Variants in PCDH7 observed in about 807,000 individuals in gnomAD.
The protein encoded by PCDH7 is protocadherin-7.
PCDH7 carries 17 observed loss-of-function variants against 58.9 expected under a neutral mutation model. The ratio of observed to expected loss-of-function variants is 0.29; its 90% confidence interval spans 0.20 to 0.43. PCDH7 has a LOEUF of 0.43. Ranked by LOEUF, PCDH7 falls within the 20% of genes least tolerant of loss-of-function variation. PCDH7 has a pLI of 1.00. For missense variants in PCDH7, 1,274 were observed against 1,441.0 expected, an observed-to-expected ratio of 0.88 and a Z score of 1.88; for synonymous variants, 664 against 616.4, an observed-to-expected ratio of 1.08 and a Z score of -1.14.
intron 3 of PCDH7, among the ~76,000 whole-genome samples, chr4:31,133,543 A>G (rs1388416020): frequency 6.6e-6 from 1 of 152,150 alleles, no homozygotes; most frequent in Non-Finnish European, 1.5e-5. Flanking sequence ...CTCTTTATCT[A>G]TATCAGTGAA....
intron 2 of PCDH7, among the ~76,000 whole-genome samples, chr4:30,937,168 A>G (rs924300960): frequency 2.6e-5 from 4 of 152,108 alleles, no homozygotes; most frequent in African/African-American, 9.7e-5. Flanking sequence ...GCAGTAAAAT[A>G]TATTAAATAA....
At chr4:31,009,195 A>G (rs1171392514) in intron 3 of PCDH7, among the ~76,000 whole-genome samples, 1 of 152,114 alleles carries the variant, frequency 6.6e-6, no homozygotes, top group Non-Finnish European at 1.5e-5. Flanking sequence ...GTAAAATGGC[A>G]GATCAGCTTT....
Position 30,723,980 on chromosome 4 carries a change from T to G in PCDH7, c.2558T>G (p.Ile853Arg). 1 of 1,614,146 alleles carries G rather than the reference T, an allele frequency of 6.2e-7. No homozygotes were observed. Among genetic ancestry groups the G allele is most frequent in the Non-Finnish European group, 8.5e-7 (1 of 1,180,018 alleles). ...AATGCAACTGCGATTGACTCCCAGA[T>G]AGCTAGAAGTTTGCACATCCCACTC... Residue 853 changes from isoleucine (I) to arginine (R), a missense_variant, in exon 1 of 2, where the codon ATA becomes AGA. Transcript: ENST00000361762. The surrounding 1 kb of genome is among the most constrained non-coding windows in gnomAD (Gnocchi z 4.6).
rs577617613 is a variant in PCDH7 at position 31,117,422 on chromosome 4, T to C, written c.*8-25051T>C. On this transcript the variant is annotated intron_variant, in intron 3 of 3. Coordinates refer to the PCDH7 transcript ENST00000509759. ...GAGTAACACGTTCAAGACTCCCATA[T>C]ATATTTGAAGCATTTGACAGAATAA... Among the ~76,000 whole-genome samples the C allele has an allele frequency of 8.1e-4, 124 of 152,262 alleles. 1 individual carries two copies. The highest frequency in any genetic ancestry group is 2.8e-3 in the African/African-American group (116 of 41,558).
chr4:30,891,502 A>G (rs1279572987), intron 1 of PCDH7, among the ~76,000 whole-genome samples: 1 of 152,062 alleles, frequency 6.6e-6, no homozygotes, highest in Admixed American at 6.6e-5. Flanking sequence ...ACATTAGATC[A>G]AGTGAATAGT....
At chr4:30,823,573 T>C (rs1390514325) in intron 1 of PCDH7, among the ~76,000 whole-genome samples, 4 of 152,062 alleles carry the variant, frequency 2.6e-5, no homozygotes, top group Admixed American at 2.6e-4. Flanking sequence ...AATTCAAATA[T>C]GATGCTACCT....
intron 1 of PCDH7, among the ~76,000 whole-genome samples, chr4:30,904,501 T>A (rs1362884018): frequency 6.6e-6 from 1 of 152,170 alleles, no homozygotes; most frequent in Admixed American, 6.6e-5. Flanking sequence ...CATTTTAAAG[T>A]CAGTTGATTA....
At chr4:30,833,633 TGGGAG>T (rs1730090713) in intron 1 of PCDH7, among the ~76,000 whole-genome samples, 2 of 152,164 alleles carry the variant, frequency 1.3e-5, no homozygotes, top group Admixed American at 1.3e-4. Context: ...TGGGCATCTT[TGGGAG>T]GAGAGTCTTT....
At chr4:30,826,151 A>C (rs1202270053) in intron 1 of PCDH7, among the ~76,000 whole-genome samples, 1 of 152,128 alleles carries the variant, frequency 6.6e-6, no homozygotes. Context: ...ATTCCATTCG[A>C]TAACCTCATT....
At chr4:30,938,302 G>A (rs1474822772) in intron 2 of PCDH7, among the ~76,000 whole-genome samples, 1 of 151,964 alleles carries the variant, frequency 6.6e-6, no homozygotes, top group African/African-American at 2.4e-5. Context: ...TTATTGATTG[G>A]ACTTTATGAA....
At chr4:30,993,139 C>A (rs1293418952) in intron 3 of PCDH7, among the ~76,000 whole-genome samples, 2 of 152,094 alleles carry the variant, frequency 1.3e-5, no homozygotes, top group Non-Finnish European at 2.9e-5. Flanking sequence ...AGAGAGCAAA[C>A]TGCCACTCAG....
chr4:31,011,032 C>A (rs1459101166), intron 3 of PCDH7, among the ~76,000 whole-genome samples: 1 of 151,866 alleles, frequency 6.6e-6, no homozygotes, highest in East Asian at 1.9e-4. Context: ...CTTGGACCTG[C>A]ATGAAAAATC....
At chr4:30,813,601 T>G (rs1727277459) in intron 1 of PCDH7, among the ~76,000 whole-genome samples, 1 of 152,180 alleles carries the variant, frequency 6.6e-6, no homozygotes, top group Non-Finnish European at 1.5e-5. Flanking sequence ...CAGTGAAGGT[T>G]GCTTCAAGTC....
intron 3 of PCDH7, among the ~76,000 whole-genome samples, chr4:31,052,427 G>A (rs1325702544): frequency 6.6e-6 from 1 of 152,040 alleles, no homozygotes; most frequent in Non-Finnish European, 1.5e-5. Flanking sequence ...TTCAGTTGGG[G>A]CATTTTTAAA....
At chr4:31,047,878 T>C (rs1365681966) in intron 3 of PCDH7, among the ~76,000 whole-genome samples, 1 of 152,060 alleles carries the variant, frequency 6.6e-6, no homozygotes, top group African/African-American at 2.4e-5. Context: ...TCCCACTTGA[T>C]AGGAGGTCTG....
intron 1 of PCDH7, among the ~76,000 whole-genome samples, chr4:30,789,103 G>A (rs1368542530): frequency 6.6e-6 from 1 of 152,060 alleles, no homozygotes; most frequent in Non-Finnish European, 1.5e-5. Flanking sequence ...TATGTACTGA[G>A]GTATAAGTTA....
intron 3 of PCDH7, among the ~76,000 whole-genome samples, chr4:31,048,838 G>C (rs1394074468): frequency 6.6e-6 from 1 of 152,032 alleles, no homozygotes; most frequent in Admixed American, 6.6e-5. Flanking sequence ...AATCTGGAAA[G>C]AACATTATAT....
chr4:31,121,156 C>T lies in PCDH7; in HGVS notation c.*8-21317C>T, dbSNP rs139870857. ...ATAAAGAGATGTTTTGGGGCTGATACATCCTTTGCACATTGTCTTCATTTT... is the reference window on the plus strand; with the variant it reads ...ATAAAGAGATGTTTTGGGGCTGATATATCCTTTGCACATTGTCTTCATTTT... On this transcript the variant is annotated intron_variant, in intron 3 of 3. Coordinates refer to the PCDH7 transcript ENST00000509759. Among the ~76,000 whole-genome samples the T allele has an allele frequency of 9.1e-4, 139 of 152,216 alleles. 1 individual carries two copies. Among genetic ancestry groups the T allele is most frequent in the African/African-American group, 3.2e-3 (135 of 41,540 alleles).
intron 1 of PCDH7, among the ~76,000 whole-genome samples, chr4:30,797,279 T>TTTGG (rs1724911562): frequency 6.6e-6 from 1 of 150,480 alleles, no homozygotes; most frequent in Non-Finnish European, 1.5e-5. Context: ...TTTGGTTTGG[T>TTTGG]TTGGTTTTTT....
Sources: allele counts gnomAD v4.1 joint callset (sites outside exome capture counted in the v4.1 genomes callset), GRCh38; gene constraint gnomAD v4.1.1; non-coding constraint Gnocchi (gnomAD v3.1); transcripts MANE v1.5; gene names NCBI Gene and HGNC (gene_info 2026-07-23, HGNC 2026-07-21).